EPB41L4A: variants seen among roughly 807,000 people sequenced by gnomAD.
EPB41L4A encodes the protein erythrocyte membrane protein band 4.1 like 4A, also known as band 4.1-like protein 4A.
A neutral mutation model predicts 108.6 loss-of-function variants in EPB41L4A; 100 were observed. The ratio of observed to expected loss-of-function variants is 0.92; its 90% CI spans 0.78 to 1.09. The LOEUF (loss-of-function observed/expected upper bound fraction) is 1.09, where lower values mean the gene tolerates loss of function less well. Ranked by LOEUF, EPB41L4A falls within the 50% of genes least tolerant of loss-of-function variation. EPB41L4A has a pLI of 0.00. For missense variants in EPB41L4A, 1,030 were observed against 842.7 expected (o/e 1.22, Z -2.75); for synonymous variants, 319 against 289.0 (o/e 1.10, Z -1.05).
chr5:112,202,383 T>G (rs561559470), intron 15 of EPB41L4A, among the ~76,000 whole-genome samples: 2 of 152,334 alleles, frequency 1.3e-5, no homozygotes, highest in East Asian at 3.9e-4. Flanking sequence ...CTAGATCTCT[T>G]GAGTTACACC....
chr5:112,285,353 A>C (rs1382376452), intron 2 of EPB41L4A, among the ~76,000 whole-genome samples: 1 of 152,210 alleles, frequency 6.6e-6, no homozygotes, highest in Non-Finnish European at 1.5e-5. Flanking sequence ...GTGATATAAC[A>C]GGTCACTCCT....
At chr5:112,328,483 A>G (rs186204217) in intron 1 of EPB41L4A, among the ~76,000 whole-genome samples, 30 of 152,300 alleles carry the variant, frequency 2.0e-4, no homozygotes, top group Admixed American at 1.6e-3. Context: ...TTTTTAACAA[A>G]TGAAGTGATT....
chr5:112,387,595 C>T (rs1184461498), intron 1 of EPB41L4A, among the ~76,000 whole-genome samples: 1 of 152,188 alleles, frequency 6.6e-6, no homozygotes, highest in East Asian at 1.9e-4. Context: ...TGCCACTGCA[C>T]TCCAGCCTGG....
At chr5:112,302,699 A>G (rs1361283504) in intron 2 of EPB41L4A, among the ~76,000 whole-genome samples, 1 of 152,146 alleles carries the variant, frequency 6.6e-6, no homozygotes, top group Non-Finnish European at 1.5e-5. Flanking sequence ...CCAGATTTTG[A>G]ATTTTAACAC....
intron 12 of EPB41L4A, among the ~76,000 whole-genome samples, chr5:112,210,900 G>C (rs1580440727): frequency 6.6e-6 from 1 of 151,898 alleles, no homozygotes; most frequent in African/African-American, 2.4e-5. Flanking sequence ...TCCTGCAGGG[G>C]TAATAGTTAC....
chr5:112,278,178 A>G (rs1394884417), intron 3 of EPB41L4A, among the ~76,000 whole-genome samples: 10 of 152,214 alleles, frequency 6.6e-5, no homozygotes. Context: ...ATTTCATGAG[A>G]TAAAATGTAA....
intron 1 of EPB41L4A, among the ~76,000 whole-genome samples, chr5:112,415,234 C>G (rs1366260859): frequency 6.6e-6 from 1 of 152,092 alleles, no homozygotes; most frequent in Admixed American, 6.6e-5. Context: ...AGTATTCCCT[C>G]AGGAATCTCA....
intron 20 of EPB41L4A, among the ~76,000 whole-genome samples, chr5:112,169,457 G>A (rs1760448614): frequency 6.6e-6 from 1 of 151,950 alleles, no homozygotes; most frequent in Non-Finnish European, 1.5e-5. Flanking sequence ...ATTCCTAATG[G>A]AAAAAGTTGG....
Position 112,205,523 on chromosome 5 carries a change from G to A in EPB41L4A, c.1179-19C>T. ...CTTAAAGCTTTAATTTTAAAAAAAAGTATGAGAAATAAATTAAGTAGAAAA... is the reference window on the plus strand; with the variant it reads ...CTTAAAGCTTTAATTTTAAAAAAAAATATGAGAAATAAATTAAGTAGAAAA... On this transcript the variant is annotated intron_variant, in intron 13 of 22. Coordinates refer to ENST00000261486, the MANE Select transcript of EPB41L4A (RefSeq NM_022140.5). The A allele has an allele frequency of 6.5e-7, 1 of 1,530,520 alleles. No individual in the cohort carries two copies. Among genetic ancestry groups the A allele is most frequent in the Non-Finnish European group, 8.9e-7 (1 of 1,118,428 alleles). 94.8% of individuals were successfully genotyped at this position (1,530,520 alleles called of 1,614,324 possible). A position where few individuals can be genotyped will look rare whatever the true frequency, so the allele number is the denominator to read the frequency against.
chr5:112,156,221 A>G (rs1003927993), intron 12 of EPB41L4A, among the ~76,000 whole-genome samples: 1 of 152,216 alleles, frequency 6.6e-6, no homozygotes, highest in African/African-American at 2.4e-5. Context: ...ATAGAAGGAA[A>G]CTTCCCTAAC....
In EPB41L4A at chr5:112,398,327, G is replaced by A. The variant is rs572198973; in HGVS notation, c.99+20614C>T. On this transcript the variant is annotated intron_variant, in intron 1 of 22. Coordinates refer to ENST00000261486, the MANE Select transcript of EPB41L4A (RefSeq NM_022140.5). ...TCCTGGCAGTTAGTAAGAGTGAAGC[G>A]CTATCAGCCTCCATAATAAACAGCC... is the stretch of plus-strand genomic sequence containing the variant. Among the ~76,000 whole-genome samples, 9 of 152,200 alleles carry A rather than the reference G, an allele frequency of 5.9e-5. No individual in the cohort carries two copies. The South Asian group carries it at 8.3e-4, about 14-fold the overall frequency.
At chr5:112,209,416 C>G (rs905351263) in intron 13 of EPB41L4A, among the ~76,000 whole-genome samples, 4 of 152,224 alleles carry the variant, frequency 2.6e-5, no homozygotes, top group Non-Finnish European at 5.9e-5. Flanking sequence ...TGCAGAGGAC[C>G]ATGACAAGTC....
chr5:112,194,604 T>C lies in EPB41L4A; in HGVS notation c.1466A>G (p.Glu489Gly). The C allele has an allele frequency of 1.9e-6, 3 of 1,607,096 alleles. No homozygotes were observed. The highest frequency in any genetic ancestry group is 2.5e-6 in the Non-Finnish European group (3 of 1,176,550). Residue 489 changes from glutamate (E) to glycine (G), a missense_variant, in exon 17 of 23, where the codon GAA becomes GGA. Glu to Gly is a moderately conservative substitution (Grantham distance 98). Transcript: ENST00000261486. ...TTTCCGGTATTCTCTATTAGAATTT[T>C]CTGATTCACTACCACTGCTGGTGTT... ...RCNTSSGSES[E>G]NSNREYRKKR... is the part of the protein sequence containing the mutation.
At chr5:112,362,147 G>C (rs1443876613) in intron 1 of EPB41L4A, among the ~76,000 whole-genome samples, 1 of 151,726 alleles carries the variant, frequency 6.6e-6, no homozygotes, top group Non-Finnish European at 1.5e-5. Flanking sequence ...ACCCAGGCTG[G>C]AGTGCAGTGG....
intron 1 of EPB41L4A, among the ~76,000 whole-genome samples, chr5:112,416,022 T>C (rs1406519048): frequency 1.3e-5 from 2 of 152,128 alleles, no homozygotes; most frequent in Non-Finnish European, 2.9e-5. Flanking sequence ...GGAAATTAAA[T>C]GGAAATAAAA....
chr5:112,382,343 G>A (rs1012169789), intron 1 of EPB41L4A, among the ~76,000 whole-genome samples: 7 of 152,138 alleles, frequency 4.6e-5, no homozygotes, highest in African/African-American at 1.7e-4. Context: ...GGAAGCAAGT[G>A]TCAGAAACTA....
chr5:112,340,771 T>C (rs62365198), intron 1 of EPB41L4A, among the ~76,000 whole-genome samples: 9,876 of 152,308 alleles, frequency 0.065, 390 homozygotes, highest in Middle Eastern at 0.099. Flanking sequence ...AAAGGACGTA[T>C]ATTGTTGCTC....
At chr5:112,189,687 C>T (rs151200241) in intron 17 of EPB41L4A, among the ~76,000 whole-genome samples, 12 of 152,124 alleles carry the variant, frequency 7.9e-5, no homozygotes, top group Non-Finnish European at 1.2e-4. Context: ...TGGAAAAAAA[C>T]GCACCAGACT....
intron 1 of EPB41L4A, among the ~76,000 whole-genome samples, chr5:112,327,085 C>T (rs761544894): frequency 1.3e-5 from 2 of 152,100 alleles, no homozygotes; most frequent in Non-Finnish European, 2.9e-5. Context: ...ATAGGGAAAA[C>T]AAGGCTGAGA....
Sources: gnomAD v4.1 joint callset for allele counts (sites outside exome capture counted in the v4.1 genomes callset) on GRCh38, gnomAD v4.1.1 for gene constraint, MANE v1.5 for transcripts, NCBI Gene and HGNC (gene_info 2026-07-23, HGNC 2026-07-21) for gene names.